Variants in CSE1L observed in about 807,000 individuals in gnomAD.
CSE1L encodes the protein exportin-2.
In CSE1L, 24 loss-of-function variants were observed where a neutral mutation model predicts 120.4. That is an observed-to-expected ratio of 0.20 (90% CI 0.14 to 0.28). CSE1L has a LOEUF of 0.28. CSE1L is among the 10% of genes least tolerant of loss of function. The pLI, the probability that CSE1L is intolerant of heterozygous loss-of-function variation, is 1.00. For missense variants in CSE1L, 830 were observed against 1,145.2 expected (o/e 0.72, Z 3.97); for synonymous variants, 402 against 398.3 (o/e 1.01, Z -0.11).
In CSE1L at chr20:49,090,655, A is replaced by G. The variant is rs1019107379; in HGVS notation, c.2182-87A>G. Reference sequence around the variant, plus strand: ...GAAAAGGATAGATTATTACAGTATGAACTCTGTTTTAAGACATATATCATG... The same window carrying G: ...GAAAAGGATAGATTATTACAGTATGGACTCTGTTTTAAGACATATATCATG... On this transcript the variant is annotated intron_variant, in intron 19 of 24. Transcript: ENST00000262982. 3 of 959,626 alleles carry G rather than the reference A, an allele frequency of 3.1e-6. No homozygotes were observed. The African/African-American group carries it at 4.9e-5, about 16-fold the overall frequency. The allele number at this position is 959,626 out of a possible 1,614,324, so 59.4% of individuals were successfully genotyped here.
intron 11 of CSE1L, 43 bp downstream of exon 11, chr20:49,074,893 A>T (rs35214127): frequency 0.031 from 45,682 of 1,470,346 alleles, 920 homozygotes; most frequent in Non-Finnish European, 0.039. Flanking sequence ...TTAGCAAGCC[A>T]GTTTTAAGGT....
rs371552251 is a variant in CSE1L at position 49,066,749 on chromosome 20, C to T, written c.476+239C>T. ...TTGATCCCTTTAAAAAGAAAACTGG[C>T]TGGGCATGATGGCTCACACCTATAA... On this transcript the variant is annotated intron_variant, in intron 5 of 24. Coordinates refer to ENST00000262982, the MANE Select transcript of CSE1L (RefSeq NM_001316.4). 5.3e-5 allele frequency among the ~76,000 whole-genome samples: 8 copies of T among 152,090 alleles called. 1 individual carries two copies. Among genetic ancestry groups the T allele is most frequent in the East Asian group, 3.9e-4 (2 of 5,178 alleles).
At chr20:49,048,115 A>G (rs1476183073) in intron 1 of CSE1L, among the ~76,000 whole-genome samples, 2 of 139,194 alleles carry the variant, frequency 1.4e-5, no homozygotes, top group Admixed American at 7.1e-5. Context: ...ACATAGTCAT[A>G]TCTTTGGCCT....
At chr20:49,096,162 G>C (rs1421617565) in intron 24 of CSE1L, 187 bp from the exon 25 acceptor site, 2 of 703,388 alleles carry the variant, frequency 2.8e-6, no homozygotes, top group Non-Finnish European at 5.2e-6. Flanking sequence ...ATTCCTTATG[G>C]ATCTTTTCTT....
At chr20:49,056,360 T>C (rs1414484088) in intron 1 of CSE1L, among the ~76,000 whole-genome samples, 5 of 152,106 alleles carry the variant, frequency 3.3e-5, no homozygotes, top group Non-Finnish European at 7.4e-5. Context: ...CCCCTCAGCC[T>C]CCCAAAGTGC....
intron 22 of CSE1L, among the ~76,000 whole-genome samples, chr20:49,093,152 A>T (rs2092114374): frequency 6.6e-6 from 1 of 152,214 alleles, no homozygotes; most frequent in African/African-American, 2.4e-5. Context: ...ATTACTCTGG[A>T]AAGGAGACCA....
rs563824580 is a variant in CSE1L, at chr20:49,076,445, CAAAG to C, written c.1336-534_1336-531del. 2.0e-3 allele frequency among the ~76,000 whole-genome samples: 296 copies of C among 151,540 alleles called. 1 individual carries two copies. Among genetic ancestry groups the C allele is most frequent in the African/African-American group, 6.8e-3 (281 of 41,342 alleles). ...AGGTGATCCACCTGCCTTGGCCTCC[CAAAG>C]TGCTGGGATTACAAGCATGAGCCAC... is the stretch of plus-strand genomic sequence containing the variant. On this transcript the variant is annotated intron_variant, in intron 12 of 24. Coordinates refer to ENST00000262982, the MANE Select transcript of CSE1L (RefSeq NM_001316.4).
intron 2 of CSE1L, among the ~76,000 whole-genome samples, chr20:49,060,549 G>A (rs900813639): frequency 5.3e-5 from 8 of 151,950 alleles, no homozygotes; most frequent in Non-Finnish European, 7.4e-5. Context: ...GCCCAGGAGG[G>A]CAGATCACCT....
chr20:49,078,698 G>A, intron 14 of CSE1L, 76 bp downstream of exon 14: 2 of 922,544 alleles, frequency 2.2e-6, no homozygotes, highest in Admixed American at 2.9e-5. Context: ...CTCATCTACT[G>A]TGCAGTCATT....
At position 49,084,086 on chromosome 20, in the gene CSE1L, A is replaced by G; in HGVS notation, c.1543A>G (p.Ser515Gly). The change falls in exon 15 of 25, where the codon AGT becomes GGT. Residue 515 changes from serine to glycine, a missense_variant. Around this residue, in one of 4 missense-constraint regions of CSE1L, gnomAD observed 543 missense variants for 640.2 expected, o/e 0.85. Coordinates refer to ENST00000262982, the MANE Select transcript of CSE1L (RefSeq NM_001316.4). ...PLLINHLQAE[S>G]IVVHTYAAHA... Reference sequence around the variant, plus strand: ...CTTGATTAATCATCTTCAAGCTGAAAGTATTGTTGTTCATACTTACGCAGC... The same window carrying G: ...CTTGATTAATCATCTTCAAGCTGAAGGTATTGTTGTTCATACTTACGCAGC... 1.2e-6 allele frequency: 2 copies of G among 1,614,082 alleles called. No homozygotes were observed. Among genetic ancestry groups the G allele is most frequent in the East Asian group, 4.5e-5 (2 of 44,868 alleles).
intron 2 of CSE1L, among the ~76,000 whole-genome samples, chr20:49,062,233 A>G (rs3092039): frequency 0.61 from 92,685 of 152,010 alleles, 28,355 homozygotes; most frequent in East Asian, 0.66. Flanking sequence ...CAGTTTAACA[A>G]TCTTCATCCT....
Position 49,055,523 on chromosome 20 carries a change from C to T in CSE1L, c.-11-2930C>T, listed in dbSNP as rs544434900. Among the ~76,000 whole-genome samples the T allele has an allele frequency of 8.5e-5, 13 of 152,114 alleles. No individual in the cohort carries two copies. The South Asian group carries it at 2.7e-3, about 32-fold the overall frequency. The stretch of plus-strand genomic sequence containing the variant: ...CTTGAGGTCAGGAGTTCAAGACCAG[C>T]CTGCGCAATATGGTGAAACCCCATC... On this transcript the variant is annotated intron_variant, in intron 1 of 24. Transcript: ENST00000262982.
intron 14 of CSE1L, among the ~76,000 whole-genome samples, chr20:49,081,849 G>A (rs2092014904): frequency 6.6e-6 from 1 of 152,034 alleles, no homozygotes; most frequent in South Asian, 2.1e-4. Context: ...ACACAAGCAG[G>A]AATAAAACAA....
intron 3 of CSE1L, among the ~76,000 whole-genome samples, chr20:49,064,732 A>G (rs1442800138): frequency 6.6e-6 from 1 of 151,812 alleles, no homozygotes; most frequent in Non-Finnish European, 1.5e-5. Flanking sequence ...AGAATGTTTA[A>G]AAGTCCATCT....
At position 49,089,706 on chromosome 20, in the gene CSE1L, G is replaced by A. The variant is rs376962564; in HGVS notation, c.2141G>A (p.Arg714His). The A allele has an allele frequency of 2.4e-5, 39 of 1,614,056 alleles. No individual in the cohort carries two copies. The highest frequency in any genetic ancestry group is 3.0e-5 in the Non-Finnish European group (35 of 1,180,030). ...LVRLLQAFLE[R>H]GSNTIASAAA... ...AGGCTTCTTCAAGCATTCTTAGAAC[G>A]CGGTTCAAACACAATAGCAAGTGCT... The change falls in exon 19 of 25, where the codon CGC becomes CAC. Residue 714 changes from arginine to histidine, a missense_variant. This residue lies in a region of CSE1L where 168 missense variants were observed against 267.9 expected (regional missense o/e 0.63). Coordinates refer to ENST00000262982, the MANE Select transcript of CSE1L (RefSeq NM_001316.4).
chr20:49,084,707 T>C (rs372127650), intron 15 of CSE1L, among the ~76,000 whole-genome samples: 1 of 152,098 alleles, frequency 6.6e-6, no homozygotes, highest in Non-Finnish European at 1.5e-5. Context: ...CAGGATGAAA[T>C]GTAGAGGAAT....
At chr20:49,059,524 G>T (rs1013878868) in intron 2 of CSE1L, among the ~76,000 whole-genome samples, 3 of 152,120 alleles carry the variant, frequency 2.0e-5, no homozygotes, top group African/African-American at 7.2e-5. Context: ...TTCCAGTTTT[G>T]CTTGAAAAAT....
chr20:49,092,156 G>A, intron 22 of CSE1L, 29 bp downstream of exon 22: 12 of 1,340,422 alleles, frequency 9.0e-6, no homozygotes, highest in Non-Finnish European at 1.3e-5. Context: ...TTTTTTAAAG[G>A]AAGAAAATGT....
Position 49,072,630 on chromosome 20 carries a change from A to G in CSE1L, c.999A>G (p.Leu333=), listed in dbSNP as rs777179703. Residue 333 remains leucine, a synonymous_variant, in exon 10 of 25, where the codon CTA becomes CTG. Transcript: ENST00000262982. ...SVCERPHYKN[L]FEDQNTLTSI... is the part of the protein sequence containing the mutation. ...GTGAGAGACCTCATTATAAGAATCT[A>G]TTTGAGGACCAGAACACGCTGACAA... 47 of 1,613,762 alleles carry G rather than the reference A, an allele frequency of 2.9e-5. No homozygotes were observed. The East Asian group carries it at 9.6e-4, about 33-fold the overall frequency.
Sources: gnomAD v4.1 joint callset for allele counts (sites outside exome capture counted in the v4.1 genomes callset) on GRCh38, gnomAD v4.1.1 for gene constraint, gnomAD v4.1.1 regional missense constraint, MANE v1.5 for transcripts, NCBI Gene and HGNC (gene_info 2026-07-23, HGNC 2026-07-21) for gene names.